RIT2: variants seen among roughly 807,000 people sequenced by gnomAD.
RIT2 encodes the protein Ras like without CAAX 2, also known as GTP-binding protein Rit2.
Under a neutral mutation model 23.7 loss-of-function variants are expected in RIT2, and 24 were observed. The ratio of observed to expected loss-of-function variants is 1.01; its 90% confidence interval spans 0.73 to 1.43. The LOEUF is 1.43. Among genes scored for constraint, RIT2 ranks in the 40% most tolerant of loss-of-function variants. RIT2 has a pLI of 0.00. For synonymous variants in RIT2, 107 were observed against 91.1 expected (o/e 1.17, Z -0.99); for missense variants, 236 against 266.9 (o/e 0.88, Z 0.81).
chr18:43,052,218 T>G (rs2144310907), intron 1 of RIT2, among the ~76,000 whole-genome samples: 1 of 152,226 alleles, frequency 6.6e-6, no homozygotes, highest in East Asian at 1.9e-4. Context: ...TGTATGTAAC[T>G]TAAAAAGCTA....
intron 3 of RIT2, among the ~76,000 whole-genome samples, chr18:42,960,545 C>T (rs975513530): frequency 6.6e-6 from 1 of 152,122 alleles, no homozygotes; most frequent in South Asian, 2.1e-4. Context: ...GAACTCCTGA[C>T]CTCAGGTGAT....
intron 4 of RIT2, among the ~76,000 whole-genome samples, chr18:42,840,292 A>G (rs1906728617): frequency 6.6e-6 from 1 of 152,194 alleles, no homozygotes; most frequent in South Asian, 2.1e-4. Flanking sequence ...AGGCCATACA[A>G]TATTAGAAAA....
At position 42,933,118 on chromosome 18, in the gene RIT2, C is replaced by T. The variant is rs557153404; in HGVS notation, c.235-9355G>A. Among the ~76,000 whole-genome samples the T allele has an allele frequency of 1.0e-3, 153 of 152,100 alleles. 1 individual carries two copies. The highest frequency in any genetic ancestry group is 3.5e-3 in the African/African-American group (146 of 41,508). ...ATTAAAAAATTCAATTAAATTGCTGCCATTTGAACAAATAAATGCCATTTA... is the reference window on the plus strand; with the variant it reads ...ATTAAAAAATTCAATTAAATTGCTGTCATTTGAACAAATAAATGCCATTTA... On this transcript the variant is annotated intron_variant, in intron 3 of 4. Coordinates refer to ENST00000326695, the MANE Select transcript of RIT2 (RefSeq NM_002930.4).
At chr18:43,011,016 A>C (rs1911337827) in intron 2 of RIT2, among the ~76,000 whole-genome samples, 1 of 151,842 alleles carries the variant, frequency 6.6e-6, no homozygotes. Flanking sequence ...TGTGCAAGAA[A>C]AGATAACGGT....
chr18:43,102,996 C>T (rs1383526104), intron 1 of RIT2, among the ~76,000 whole-genome samples: 2 of 152,060 alleles, frequency 1.3e-5, no homozygotes, highest in Non-Finnish European at 2.9e-5. Context: ...GACTATCTGC[C>T]ATGTTTTGAT....
At chr18:42,796,087 C>T (rs141301732) in intron 4 of RIT2, among the ~76,000 whole-genome samples, 1 of 152,102 alleles carries the variant, frequency 6.6e-6, no homozygotes, top group Non-Finnish European at 1.5e-5. Flanking sequence ...CTCTTCCACA[C>T]TGTGGAAGCT....
At chr18:43,016,991 T>C (rs1186837081) in intron 2 of RIT2, among the ~76,000 whole-genome samples, 1 of 151,958 alleles carries the variant, frequency 6.6e-6, no homozygotes, top group Non-Finnish European at 1.5e-5. Flanking sequence ...AATTAAAAGG[T>C]AATTGTAAAC....
intron 1 of RIT2, among the ~76,000 whole-genome samples, chr18:43,112,450 G>A (rs946338660): frequency 8.5e-5 from 13 of 152,136 alleles, no homozygotes; most frequent in African/African-American, 3.1e-4. Context: ...CATAATACGT[G>A]CTCAGTAAAC....
intron 1 of RIT2, among the ~76,000 whole-genome samples, chr18:43,051,463 T>C (rs772853489): frequency 6.6e-6 from 1 of 152,072 alleles, no homozygotes; most frequent in African/African-American, 2.4e-5. Flanking sequence ...ATAGGAATAG[T>C]AACAGGTTGA....
At chr18:42,987,998 T>C (rs986136536) in intron 2 of RIT2, among the ~76,000 whole-genome samples, 1 of 152,120 alleles carries the variant, frequency 6.6e-6, no homozygotes, top group Non-Finnish European at 1.5e-5. Context: ...ACCTCCAGCA[T>C]TGAGGACCAA....
intron 3 of RIT2, among the ~76,000 whole-genome samples, chr18:42,940,308 AT>A (rs1240874346): frequency 7.0e-6 from 1 of 143,786 alleles, no homozygotes; most frequent in Non-Finnish European, 1.5e-5. Context: ...TATTTAATAT[AT>A]TAATAATATA....
chr18:42,880,742 C>T (rs141975697), intron 4 of RIT2, among the ~76,000 whole-genome samples: 71 of 150,386 alleles, frequency 4.7e-4, no homozygotes, highest in Middle Eastern at 3.5e-3. Flanking sequence ...CCTTCTGTTT[C>T]GGAATGGTGA....
chr18:43,004,838 T>C (rs548341692), intron 2 of RIT2, among the ~76,000 whole-genome samples: 106 of 152,020 alleles, frequency 7.0e-4, no homozygotes, highest in African/African-American at 2.4e-3. Context: ...TATATTCCTA[T>C]TAGATTGTTA....
intron 2 of RIT2, among the ~76,000 whole-genome samples, chr18:42,991,964 G>A (rs1273948626): frequency 4.6e-5 from 7 of 152,034 alleles, no homozygotes; most frequent in Non-Finnish European, 1.0e-4. Flanking sequence ...ATGAAATTTG[G>A]TAAGAACCCC....
intron 4 of RIT2, among the ~76,000 whole-genome samples, chr18:42,853,167 T>C (rs560828980): frequency 1.3e-5 from 2 of 152,234 alleles, no homozygotes; most frequent in Admixed American, 6.5e-5. Flanking sequence ...TTGAAATAAA[T>C]TTGTGACACC....
intron 4 of RIT2, among the ~76,000 whole-genome samples, chr18:42,797,033 G>A (rs558267776): frequency 6.6e-6 from 1 of 151,964 alleles, no homozygotes; most frequent in South Asian, 2.1e-4. Context: ...TTGGTAACAA[G>A]GAATAAGAAC....
At chr18:42,825,055 CATTAATCT>C (rs1906256810) in intron 4 of RIT2, among the ~76,000 whole-genome samples, 1 of 151,766 alleles carries the variant, frequency 6.6e-6, no homozygotes, top group Non-Finnish European at 1.5e-5. Flanking sequence ...TGACTGAATT[CATTAATCT>C]ATTTAGTCAA....
intron 1 of RIT2, among the ~76,000 whole-genome samples, chr18:43,099,328 C>T (rs1913628554): frequency 6.6e-6 from 1 of 151,818 alleles, no homozygotes; most frequent in Admixed American, 6.6e-5. Context: ...TTATAATGAT[C>T]TATAAGCAAG....
At chr18:43,111,746 T>C (rs1206961058) in intron 1 of RIT2, among the ~76,000 whole-genome samples, 1 of 152,166 alleles carries the variant, frequency 6.6e-6, no homozygotes, top group Non-Finnish European at 1.5e-5. Flanking sequence ...CTTTGTATGG[T>C]GCAGTTTTGA....
Sources: allele counts gnomAD v4.1 joint callset (sites outside exome capture counted in the v4.1 genomes callset), GRCh38; gene constraint gnomAD v4.1.1; transcripts MANE v1.5; gene names NCBI Gene and HGNC (gene_info 2026-07-23, HGNC 2026-07-21).